Variants in MTHFD1 observed in about 807,000 individuals in gnomAD.
The protein encoded by MTHFD1 is C-1-tetrahydrofolate synthase, cytoplasmic.
Under a neutral mutation model 110.3 loss-of-function variants are expected in MTHFD1, and 44 were observed. The ratio of observed to expected loss-of-function variants is 0.40; its 90% confidence interval spans 0.31 to 0.51. MTHFD1 has a LOEUF of 0.51. MTHFD1 is among the 20% of genes least tolerant of loss of function. The pLI is 0.60. For synonymous variants in MTHFD1, 402 were observed against 428.8 expected, an observed-to-expected ratio of 0.94 and a Z score of 0.77; for missense variants, 909 against 1,173.1, an observed-to-expected ratio of 0.77 and a Z score of 3.29.
At chr14:64,453,989 C>G (rs2078422305) in intron 25 of MTHFD1, 128 bp downstream of exon 25, 1 of 703,316 alleles carries the variant, frequency 1.4e-6, no homozygotes, top group Non-Finnish European at 2.6e-6. Context: ...CTTCTCTCCT[C>G]TGAAATACTG....
chr14:64,402,974 T>A (rs563755330), intron 2 of MTHFD1, among the ~76,000 whole-genome samples: 57 of 152,136 alleles, frequency 3.7e-4, no homozygotes, highest in South Asian at 4.2e-4. Context: ...ATATATATAT[T>A]TTTTACTTTT....
intron 1 of MTHFD1, chr14:64,388,730 G>A (rs2077782993): frequency 5.1e-6 from 3 of 584,538 alleles, no homozygotes; most frequent in Non-Finnish European, 9.2e-6. Context: ...CGCAGCTGCT[G>A]GTGACTTTCT....
At chr14:64,413,621 AT>A (rs938325909) in intron 4 of MTHFD1, among the ~76,000 whole-genome samples, 6 of 152,236 alleles carry the variant, frequency 3.9e-5, no homozygotes, top group African/African-American at 1.4e-4. Flanking sequence ...TTAAAATGAA[AT>A]AAAATTAAAA....
At chr14:64,420,496 C>T (rs958446163) in intron 8 of MTHFD1, among the ~76,000 whole-genome samples, 2 of 152,176 alleles carry the variant, frequency 1.3e-5, no homozygotes, top group African/African-American at 4.8e-5. Context: ...AAGTCTGAAG[C>T]CTTTTAGTTT....
At chr14:64,400,915 C>T in intron 2 of MTHFD1, 38 bp downstream of exon 2, 3 of 1,443,106 alleles carry the variant, frequency 2.1e-6, no homozygotes, top group Non-Finnish European at 2.9e-6. Flanking sequence ...GTTGTCTTTG[C>T]TTGATTTCTC....
chr14:64,457,777 T>A (rs1463551240), intron 26 of MTHFD1, among the ~76,000 whole-genome samples: 3 of 152,170 alleles, frequency 2.0e-5, no homozygotes, highest in Non-Finnish European at 2.9e-5. Flanking sequence ...CTGAGTTTTT[T>A]AACAGGATCA....
At position 64,423,761 on chromosome 14, in the gene MTHFD1, C is replaced by A. The variant is rs539622697; in HGVS notation, c.728-1043C>A. On this transcript the variant is annotated intron_variant, in intron 8 of 27. Coordinates refer to ENST00000652337, the MANE Select transcript of MTHFD1 (RefSeq NM_005956.4). ...TTTTTTTCTGAGACAGAGTCTCGCT[C>A]TGTTGCCCAGGCTGGAGTGCAGTGA... Among the ~76,000 whole-genome samples the A allele has an allele frequency of 1.5e-4, 23 of 150,240 alleles. No individual in the cohort carries two copies. In the South Asian group the frequency reaches 4.9e-3, roughly 32 times the overall value.
chr14:64,406,443 G>T (rs574363519), intron 2 of MTHFD1, among the ~76,000 whole-genome samples: 1 of 149,892 alleles, frequency 6.7e-6, no homozygotes, highest in African/African-American at 2.5e-5. Flanking sequence ...TACTTTTGGC[G>T]TTGTCAGTGC....
intron 8 of MTHFD1, among the ~76,000 whole-genome samples, chr14:64,422,565 T>TTG (rs1385559595): frequency 6.6e-6 from 1 of 152,084 alleles, no homozygotes; most frequent in East Asian, 1.9e-4. Context: ...GCCAGATCAA[T>TTG]AGTGTTTTAT....
chr14:64,458,156 T>A (rs951239151), intron 26 of MTHFD1, 58 bp from the exon 27 acceptor site: 24 of 1,341,124 alleles, frequency 1.8e-5, no homozygotes, highest in Middle Eastern at 1.8e-4. Flanking sequence ...CCTGGGATTA[T>A]AGGCGTGAGC....
chr14:64,437,121 G>C (rs1309451035), intron 16 of MTHFD1, among the ~76,000 whole-genome samples: 1 of 151,804 alleles, frequency 6.6e-6, no homozygotes, highest in Admixed American at 6.6e-5. Context: ...GACTCATTTA[G>C]AGTATGAACT....
chr14:64,447,419 G>T (rs1299653221), intron 22 of MTHFD1, among the ~76,000 whole-genome samples: 1 of 149,334 alleles, frequency 6.7e-6, no homozygotes, highest in Non-Finnish European at 1.5e-5. Context: ...CCCCCAAAGT[G>T]CTGGGATGAC....
At chr14:64,395,168 A>G (rs1270754973) in intron 1 of MTHFD1, among the ~76,000 whole-genome samples, 4 of 152,252 alleles carry the variant, frequency 2.6e-5, no homozygotes, top group Non-Finnish European at 5.9e-5. Context: ...AACTCTTGCT[A>G]CTGGCAGAAG....
chr14:64,388,602 G>A (rs2077781898), intron 1 of MTHFD1, 134 bp downstream of exon 1: 1 of 819,946 alleles, frequency 1.2e-6, no homozygotes, highest in East Asian at 2.6e-5. Flanking sequence ...CTGAAGACCT[G>A]CAGCCAAAGA....
At chr14:64,441,565 G>C (rs2078247717) in intron 19 of MTHFD1, 112 bp downstream of exon 19, 1 of 923,204 alleles carries the variant, frequency 1.1e-6, no homozygotes, top group Admixed American at 1.9e-5. Context: ...CCAGCACTTT[G>C]GGAGGCCAAG....
At position 64,444,711 on chromosome 14, in the gene MTHFD1, C is replaced by A. The variant is rs772200103; in HGVS notation, c.2155C>A (p.Leu719Ile). The change falls in exon 22 of 28, where the codon CTT (leucine) becomes ATT (isoleucine). Residue 719 changes from leucine to isoleucine, a missense_variant. Physicochemically the swap from Leu to Ile is conservative, Grantham distance 5 (BLOSUM62 2). Around this residue, in one of 3 missense-constraint regions of MTHFD1, gnomAD observed 482 missense variants for 646.0 expected, o/e 0.75. Coordinates refer to ENST00000652337, the MANE Select transcript of MTHFD1 (RefSeq NM_005956.4). ...CTTCCAGGTCACTGCTGGACTGCCT[C>A]TTCCCAAGGCTTACATACAGGAGGT... is the stretch of plus-strand genomic sequence containing the variant. ...GGPTVTAGLP[L>I]PKAYIQENLE... The A allele has an allele frequency of 6.2e-7, 1 of 1,614,108 alleles. No individual in the cohort carries two copies. The highest frequency in any genetic ancestry group is 1.1e-5 in the South Asian group (1 of 91,080).
At chr14:64,411,642 G>A (rs1596537448) in intron 3 of MTHFD1, among the ~76,000 whole-genome samples, 1 of 152,212 alleles carries the variant, frequency 6.6e-6, no homozygotes, top group Admixed American at 6.5e-5. Context: ...GCTCACGCCA[G>A]TAATCCCAGC....
intron 26 of MTHFD1, chr14:64,455,216 G>A (rs890430458): frequency 2.8e-5 from 10 of 352,536 alleles, no homozygotes; most frequent in Admixed American, 1.2e-4. Flanking sequence ...TGTTTATTGG[G>A]AGCCTTACAT....
chr14:64,448,729 T>A (rs1010065426), intron 23 of MTHFD1, among the ~76,000 whole-genome samples: 15 of 152,246 alleles, frequency 9.9e-5, no homozygotes, highest in African/African-American at 3.4e-4. Flanking sequence ...TTGTGTGGGT[T>A]GTTTAGGTAT....
Sources: allele counts gnomAD v4.1 joint callset (sites outside exome capture counted in the v4.1 genomes callset), GRCh38; gene constraint gnomAD v4.1.1; regional missense constraint gnomAD v4.1.1; transcripts MANE v1.5; gene names NCBI Gene and HGNC (gene_info 2026-07-23, HGNC 2026-07-21).